Variants in SOX2 observed in about 807,000 individuals in gnomAD.
SOX2 encodes the protein SRY-box transcription factor 2.
SOX2 carries 2 observed loss-of-function variants against 19.7 expected under a neutral mutation model. The ratio of observed to expected loss-of-function variants is 0.10; its 90% CI spans 0.04 to 0.32. SOX2 has a LOEUF of 0.32. Among genes scored for constraint, SOX2 ranks in the 10% least tolerant of loss-of-function variants. The pLI, the probability that SOX2 is intolerant of heterozygous loss-of-function variation, is 1.00. For synonymous variants in SOX2, 211 were observed against 196.8 expected, an observed-to-expected ratio of 1.07 and a Z score of -0.60; for missense variants, 294 against 459.9, an observed-to-expected ratio of 0.64 and a Z score of 3.30.
At position 181,713,436 on chromosome 3, in the gene SOX2, A is replaced by AT; in HGVS notation, c.*122_*123insT. The stretch of plus-strand genomic sequence containing the variant: ...AAACCCGGTACGCTCAAAAAGAAAA[A>AT]GGAAAAAAAAAAATCCCATCACCCA... On this transcript the variant is annotated 3_prime_UTR_variant, in exon 1 of 1. Coordinates refer to ENST00000325404, the MANE Select transcript of SOX2 (RefSeq NM_003106.4). 1 of 1,308,300 alleles carries AT rather than the reference A, an allele frequency of 7.6e-7. No homozygotes were observed. The highest frequency in any genetic ancestry group is 1.1e-6 in the Non-Finnish European group (1 of 943,184). 81.0% of individuals were successfully genotyped at this position (1,308,300 alleles called of 1,614,324 possible). A position where few individuals can be genotyped will look rare whatever the true frequency, so the allele number is the denominator to read the frequency against.
chr3:181,713,269 G>T lies in SOX2; in HGVS notation c.909G>T (p.Val303=). 1 of 1,600,318 alleles carries T rather than the reference G, an allele frequency of 6.2e-7. No homozygotes were observed. Among genetic ancestry groups the T allele is most frequent in the Non-Finnish European group, 8.5e-7 (1 of 1,174,012 alleles). ...CCCAGCACTACCAGAGCGGCCCGGT[G>T]CCCGGCACGGCCATTAACGGCACAC... ...HMSQHYQSGP[V]PGTAINGTLP... Residue 303 remains valine (V), a synonymous_variant, in exon 1 of 1, where the codon GTG becomes GTT. Transcript: ENST00000325404.
chr3:181,712,179 T>G lies in SOX2; in HGVS notation c.-182T>G. The G allele has an allele frequency of 2.4e-6, 1 of 420,850 alleles. No homozygotes were observed. The highest frequency in any genetic ancestry group is 4.0e-6 in the Non-Finnish European group (1 of 250,674). The allele number at this position is 420,850 out of a possible 1,614,324, so 26.1% of individuals were successfully genotyped here. On this transcript the variant is annotated 5_prime_UTR_variant, in exon 1 of 1. Coordinates refer to ENST00000325404, the MANE Select transcript of SOX2 (RefSeq NM_003106.4). This position sits in a 1 kb window ranked among gnomAD's most constrained non-coding sequence, Gnocchi z 8.5. ...GCGCTTTTTTTGATCCTGATTCCAG[T>G]TTGCCTCTCTCTTTTTTTCCCCCAA...
chr3:181,713,566 T>C lies in SOX2; in HGVS notation c.*252T>C, dbSNP rs912048022. ...TATGAGAGAGATCCTGGACTTCTTT[T>C]TGGGGGACTATTTTTGTACAGAGAA... On this transcript the variant is annotated 3_prime_UTR_variant, in exon 1 of 1. Transcript: ENST00000325404. 66 of 450,740 alleles carry C rather than the reference T, an allele frequency of 1.5e-4. No homozygotes were observed. Among genetic ancestry groups the C allele is most frequent in the Non-Finnish European group, 7.6e-5 (18 of 238,352 alleles). The allele number at this position is 450,740 out of a possible 1,614,324, so 27.9% of individuals were successfully genotyped here.
Position 181,713,194 on chromosome 3 carries a change from C to T in SOX2, c.834C>T (p.Leu278=), listed in dbSNP as rs144530684. The T allele has an allele frequency of 1.8e-3, 2,852 of 1,613,164 alleles. 4 individuals are homozygous for T. The highest frequency in any genetic ancestry group is 3.1e-3 in the Middle Eastern group (19 of 6,062). ...TCCGGGACATGATCAGCATGTATCT[C>T]CCCGGCGCCGAGGTGCCGGAACCCG... The part of the protein sequence containing the change: ...GDLRDMISMY[L]PGAEVPEPAA... Residue 278 remains leucine, a synonymous_variant, in exon 1 of 1, where the codon CTC becomes CTT. Transcript: ENST00000325404.
rs2108523985 is a variant in SOX2 at position 181,713,339 on chromosome 3, G to A, written c.*25G>A. ...AGGGCCGGACAGCGAACTGGAGGGG[G>A]GAGAAATTTTCAAAGAAAAACGAGG... On this transcript the variant is annotated 3_prime_UTR_variant, in exon 1 of 1. Coordinates refer to ENST00000325404, the MANE Select transcript of SOX2 (RefSeq NM_003106.4). The A allele has an allele frequency of 6.4e-7, 1 of 1,552,536 alleles. No homozygotes were observed. The highest frequency in any genetic ancestry group is 8.7e-7 in the Non-Finnish European group (1 of 1,148,040).
Position 181,713,331 on chromosome 3 carries a change from T to G in SOX2, c.*17T>G, listed in dbSNP as rs772293205. 4 of 1,553,726 alleles carry G rather than the reference T, an allele frequency of 2.6e-6. No homozygotes were observed. In the Admixed American group the frequency reaches 5.8e-5, roughly 23 times the overall value. ...CACATGTGAGGGCCGGACAGCGAAC[T>G]GGAGGGGGGAGAAATTTTCAAAGAA... On this transcript the variant is annotated 3_prime_UTR_variant, in exon 1 of 1. Transcript: ENST00000325404.
In SOX2 at chr3:181,713,610, A is replaced by T; in HGVS notation, c.*296A>T. ...CAGAGAAAACCTGGGGAGGGTGGGG[A>T]GGGCGGGGGAATGGACCTTGTATAG... On this transcript the variant is annotated 3_prime_UTR_variant, in exon 1 of 1. Transcript: ENST00000325404. 1.9e-4 allele frequency: 17 copies of T among 91,230 alleles called. No individual in the cohort carries two copies. Among genetic ancestry groups the T allele is most frequent in the East Asian group, 5.6e-4 (2 of 3,562 alleles). The allele number at this position is 91,230 out of a possible 1,614,324, so 5.7% of individuals were successfully genotyped here. A position where few individuals can be genotyped will look rare whatever the true frequency, so the allele number is the denominator to read the frequency against.
chr3:181,712,317 G>C lies in SOX2; in HGVS notation c.-44G>C. The C allele has an allele frequency of 7.5e-7, 1 of 1,333,128 alleles. No homozygotes were observed. Among genetic ancestry groups the C allele is most frequent in the African/African-American group, 1.5e-5 (1 of 64,626 alleles). The allele number at this position is 1,333,128 out of a possible 1,614,324, so 82.6% of individuals were successfully genotyped here. A position where few individuals can be genotyped will look rare whatever the true frequency, so the allele number is the denominator to read the frequency against. ...CCCCCCAAAGTCCCGGCCGGGCCGA[G>C]GGTCGGCGGCCGCCGGCGGGCCGGG... On this transcript the variant is annotated 5_prime_UTR_variant, in exon 1 of 1. Coordinates refer to ENST00000325404, the MANE Select transcript of SOX2 (RefSeq NM_003106.4). The surrounding 1 kb of genome is among the most constrained non-coding windows in gnomAD (Gnocchi z 8.5).
chr3:181,714,120 A>T lies in SOX2; in HGVS notation c.*806A>T, dbSNP rs1714922251. 8.2e-6 allele frequency: 2 copies of T among 244,602 alleles called. No individual in the cohort carries two copies. Among genetic ancestry groups the T allele is most frequent in the African/African-American group, 4.4e-5 (2 of 45,152 alleles). The allele number at this position is 244,602 out of a possible 1,614,324, so 15.2% of individuals were successfully genotyped here. A position where few individuals can be genotyped will look rare whatever the true frequency, so the allele number is the denominator to read the frequency against. On this transcript the variant is annotated 3_prime_UTR_variant, in exon 1 of 1. Coordinates refer to ENST00000325404, the MANE Select transcript of SOX2 (RefSeq NM_003106.4). ...TGCAGGTTGACACCGTTGGTAATTT[A>T]TAATAGCTTTTGTTCGATCCCAACT...
At position 181,712,106 on chromosome 3, in the gene SOX2, A is replaced by G; in HGVS notation, c.-255A>G. 2 of 376,702 alleles carry G rather than the reference A, an allele frequency of 5.3e-6. No homozygotes were observed. The highest frequency in any genetic ancestry group is 9.3e-6 in the Non-Finnish European group (2 of 214,192). The allele number at this position is 376,702 out of a possible 1,614,324, so 23.3% of individuals were successfully genotyped here. On this transcript the variant is annotated 5_prime_UTR_variant, in exon 1 of 1. Transcript: ENST00000325404. This position sits in a 1 kb window ranked among gnomAD's most constrained non-coding sequence, Gnocchi z 8.5. Reference sequence around the variant, plus strand: ...CAGGCTTAAGCCTTTCCAAAAAATAATAATAACAATCATCGGCGGCGGCAG... The same window carrying G: ...CAGGCTTAAGCCTTTCCAAAAAATAGTAATAACAATCATCGGCGGCGGCAG...
rs1214576044 is a variant in SOX2, at chr3:181,713,550, G to T, written c.*236G>T. On this transcript the variant is annotated 3_prime_UTR_variant, in exon 1 of 1. Transcript: ENST00000325404. ...CCGACAAGAAAACTTTTATGAGAGA[G>T]ATCCTGGACTTCTTTTTGGGGGACT... 2 of 374,448 alleles carry T rather than the reference G, an allele frequency of 5.3e-6. No individual in the cohort carries two copies. The highest frequency in any genetic ancestry group is 1.0e-5 in the Non-Finnish European group (2 of 191,576). The allele number at this position is 374,448 out of a possible 1,614,324, so 23.2% of individuals were successfully genotyped here.
chr3:181,712,251 C>T lies in SOX2; in HGVS notation c.-110C>T. 1.2e-6 allele frequency: 1 copy of T among 845,840 alleles called. No individual in the cohort carries two copies. Among genetic ancestry groups the T allele is most frequent in the Non-Finnish European group, 1.6e-6 (1 of 631,808 alleles). 52.4% of individuals were successfully genotyped at this position (845,840 alleles called of 1,614,324 possible). On this transcript the variant is annotated 5_prime_UTR_variant, in exon 1 of 1. Coordinates refer to ENST00000325404, the MANE Select transcript of SOX2 (RefSeq NM_003106.4). This position sits in a 1 kb window ranked among gnomAD's most constrained non-coding sequence, Gnocchi z 8.5. ...CTCGCGGAGCCCTGCGCTCCCGACACCCCCGCCCGCCTCCCCTCCTCCTCT... is the reference window on the plus strand; with the variant it reads ...CTCGCGGAGCCCTGCGCTCCCGACATCCCCGCCCGCCTCCCCTCCTCCTCT...
Position 181,713,202 on chromosome 3 carries a change from C to G in SOX2, c.842C>G (p.Ala281Gly). The G allele has an allele frequency of 6.2e-7, 1 of 1,612,934 alleles. No homozygotes were observed. The highest frequency in any genetic ancestry group is 8.5e-7 in the Non-Finnish European group (1 of 1,179,988). ...RDMISMYLPG[A>G]EVPEPAAPSR... The stretch of plus-strand genomic sequence containing the variant: ...ATGATCAGCATGTATCTCCCCGGCG[C>G]CGAGGTGCCGGAACCCGCCGCCCCC... The change falls in exon 1 of 1, where the codon GCC becomes GGC. Residue 281 changes from alanine to glycine, a missense_variant. Ala to Gly is a moderately conservative substitution (Grantham distance 60). Coordinates refer to ENST00000325404, the MANE Select transcript of SOX2 (RefSeq NM_003106.4).
Position 181,712,866 on chromosome 3 carries a change from G to A in SOX2, c.506G>A (p.Gly169Asp), listed in dbSNP as rs942268696. The A allele has an allele frequency of 1.2e-6, 2 of 1,608,614 alleles. No individual in the cohort carries two copies. The highest frequency in any genetic ancestry group is 2.7e-5 in the African/African-American group (2 of 74,872). ...GCGCACATGAACGGCTGGAGCAACG[G>A]CAGCTACAGCATGATGCAGGACCAG... is the stretch of plus-strand genomic sequence containing the variant. ...SYAHMNGWSN[G>D]SYSMMQDQLG... The change falls in exon 1 of 1, where the codon GGC (glycine) becomes GAC (aspartate). Residue 169 changes from glycine (G) to aspartate (D), a missense_variant. By Grantham distance (94) the Gly-to-Asp change is moderately conservative. This residue lies in a region of SOX2 where 223 missense variants were observed against 292.7 expected (regional missense o/e 0.76). Transcript: ENST00000325404. This position sits in a 1 kb window ranked among gnomAD's most constrained non-coding sequence, Gnocchi z 8.5.
At position 181,713,182 on chromosome 3, in the gene SOX2, C is replaced by T; in HGVS notation, c.822C>T (p.Ile274=). 6.2e-7 allele frequency: 1 copy of T among 1,613,392 alleles called. No homozygotes were observed. Among genetic ancestry groups the T allele is most frequent in the South Asian group, 1.1e-5 (1 of 91,076 alleles). The part of the protein sequence containing the change: ...PCQAGDLRDM[I]SMYLPGAEVP... The stretch of plus-strand genomic sequence containing the variant: ...AGGCCGGGGACCTCCGGGACATGAT[C>T]AGCATGTATCTCCCCGGCGCCGAGG... Residue 274 remains isoleucine, a synonymous_variant, in exon 1 of 1, where the codon ATC becomes ATT. Transcript: ENST00000325404.
In SOX2 at chr3:181,713,077, C is replaced by T. The variant is rs767562099; in HGVS notation, c.717C>T (p.Ser239=). ...GCACCCCTGGCATGGCTCTTGGCTC[C>T]ATGGGTTCGGTGGTCAAGTCCGAGG... is the stretch of plus-strand genomic sequence containing the variant. The part of the protein sequence containing the change: ...QQGTPGMALG[S]MGSVVKSEAS... The change falls in exon 1 of 1, where the codon TCC becomes TCT. Residue 239 remains serine (S), a synonymous_variant. Transcript: ENST00000325404. 11 of 1,613,874 alleles carry T rather than the reference C, an allele frequency of 6.8e-6. No homozygotes were observed. The highest frequency in any genetic ancestry group is 8.5e-6 in the Non-Finnish European group (10 of 1,180,024).
Position 181,712,916 on chromosome 3 carries a change from C to G in SOX2, c.556C>G (p.Leu186Val). The G allele has an allele frequency of 1.2e-6, 2 of 1,613,388 alleles. No individual in the cohort carries two copies. The highest frequency in any genetic ancestry group is 2.2e-5 in the South Asian group (2 of 91,070). ...DQLGYPQHPG[L>V]NAHGAAQMQP... ...GCTGGGCTACCCGCAGCACCCGGGC[C>G]TCAATGCGCACGGCGCAGCGCAGAT... is the stretch of plus-strand genomic sequence containing the variant. The change falls in exon 1 of 1, where the codon CTC becomes GTC. Residue 186 changes from leucine to valine, a missense_variant. By Grantham distance (32) the Leu-to-Val change is conservative. Coordinates refer to ENST00000325404, the MANE Select transcript of SOX2 (RefSeq NM_003106.4). The surrounding 1 kb of genome is among the most constrained non-coding windows in gnomAD (Gnocchi z 8.5).
chr3:181,712,342 G>GC lies in SOX2; in HGVS notation c.-16dup. 7.0e-7 allele frequency: 1 copy of GC among 1,431,876 alleles called. No homozygotes were observed. Among genetic ancestry groups the GC allele is most frequent in the Non-Finnish European group, 9.1e-7 (1 of 1,099,620 alleles). 88.7% of individuals were successfully genotyped at this position (1,431,876 alleles called of 1,614,324 possible). On this transcript the variant is annotated 5_prime_UTR_variant, in exon 1 of 1. Transcript: ENST00000325404. This position sits in a 1 kb window ranked among gnomAD's most constrained non-coding sequence, Gnocchi z 8.5. Reference sequence around the variant, plus strand: ...GGGTCGGCGGCCGCCGGCGGGCCGGGCCCGCGCACAGCGCCCGCATGTACA... The same window carrying GC: ...GGGTCGGCGGCCGCCGGCGGGCCGGGCCCCGCGCACAGCGCCCGCATGTACA...
chr3:181,713,287 C>T lies in SOX2; in HGVS notation c.927C>T (p.Asn309=), dbSNP rs778404109. The T allele has an allele frequency of 3.8e-6, 6 of 1,588,252 alleles. No individual in the cohort carries two copies. The Admixed American group carries it at 5.3e-5, about 14-fold the overall frequency. Residue 309 remains asparagine, a synonymous_variant, in exon 1 of 1, where the codon AAC becomes AAT. Coordinates refer to ENST00000325404, the MANE Select transcript of SOX2 (RefSeq NM_003106.4). ...GCCCGGTGCCCGGCACGGCCATTAACGGCACACTGCCCCTCTCACACATGT... is the reference window on the plus strand; with the variant it reads ...GCCCGGTGCCCGGCACGGCCATTAATGGCACACTGCCCCTCTCACACATGT... The part of the protein sequence containing the change: ...QSGPVPGTAI[N]GTLPLSHM
Sources: gnomAD v4.1 joint callset for allele counts on GRCh38, gnomAD v4.1.1 for gene constraint, gnomAD v4.1.1 regional missense constraint, Gnocchi (gnomAD v3.1) non-coding constraint, MANE v1.5 for transcripts, NCBI Gene and HGNC (gene_info 2026-07-23, HGNC 2026-07-21) for gene names.